KLB: variants seen among roughly 807,000 people sequenced by gnomAD.
KLB encodes the protein klotho beta, also known as beta-klotho.
KLB carries 44 observed loss-of-function variants against 88.4 expected under a neutral mutation model. The observed-to-expected ratio is 0.50, with a 90% CI of 0.39 to 0.64. The LOEUF is 0.64. Ranked by LOEUF, KLB falls within the 30% of genes least tolerant of loss-of-function variation. The pLI, the probability that KLB is intolerant of heterozygous loss-of-function variation, is 0.00. For missense variants in KLB, 1,137 were observed against 1,304.8 expected, an observed-to-expected ratio of 0.87 and a Z score of 1.98; for synonymous variants, 548 against 513.4, an observed-to-expected ratio of 1.07 and a Z score of -0.91.
At chr4:39,436,146 G>A (rs566656594) in intron 2 of KLB, among the ~76,000 whole-genome samples, 1 of 152,334 alleles carries the variant, frequency 6.6e-6, no homozygotes, top group South Asian at 2.1e-4. Context: ...TCTGTTCCCT[G>A]GAGTTGGGCT....
At chr4:39,439,457 T>TTGTTG (rs1743548255) in intron 3 of KLB, among the ~76,000 whole-genome samples, 2 of 17,474 alleles carry the variant, frequency 1.1e-4, no homozygotes, top group South Asian at 1.8e-3. Context: ...TGCTGTTGTT[T>TTGTTG]TTGTTTTTGT....
At chr4:39,424,285 G>A (rs755510063) in intron 1 of KLB, among the ~76,000 whole-genome samples, 22 of 151,860 alleles carry the variant, frequency 1.4e-4, no homozygotes, top group Admixed American at 5.2e-4. Flanking sequence ...TGGCCAGGCC[G>A]GTCTCGAACT....
At chr4:39,421,335 T>C (rs1366448973) in intron 1 of KLB, among the ~76,000 whole-genome samples, 1 of 152,178 alleles carries the variant, frequency 6.6e-6, no homozygotes, top group Non-Finnish European at 1.5e-5. Flanking sequence ...CATGTTTTTG[T>C]TGATGTATAT....
At chr4:39,431,625 A>G (rs1235737287) in intron 1 of KLB, among the ~76,000 whole-genome samples, 1 of 152,246 alleles carries the variant, frequency 6.6e-6, no homozygotes, top group African/African-American at 2.4e-5. Flanking sequence ...ATGAAAATTG[A>G]GTAAGGACAA....
chr4:39,434,365 T>A lies in KLB; in HGVS notation c.981T>A (p.Leu327=). The change falls in exon 2 of 5, where the codon CTT becomes CTA. Residue 327 remains leucine, a synonymous_variant. Transcript: ENST00000257408. The stretch of plus-strand genomic sequence containing the variant: ...GTCAACAATCCATGGTTTCTGTGCT[T>A]GGATGGTTTGCCAACCCTATCCATG... ...FKCQQSMVSV[L]GWFANPIHGD... 6.2e-7 allele frequency: 1 copy of A among 1,614,138 alleles called. No homozygotes were observed. The highest frequency in any genetic ancestry group is 2.2e-5 in the East Asian group (1 of 44,872).
chr4:39,436,166 T>G (rs151307015), intron 2 of KLB, among the ~76,000 whole-genome samples: 230 of 152,292 alleles, frequency 1.5e-3, no homozygotes, highest in African/African-American at 4.9e-3. Context: ...TCTATTTCAC[T>G]CTCATATTAA....
intron 1 of KLB, among the ~76,000 whole-genome samples, chr4:39,428,392 C>T (rs535562127): frequency 1.8e-4 from 27 of 149,554 alleles, no homozygotes; most frequent in African/African-American, 6.7e-4. Context: ...CACACCATTG[C>T]ACTCCAGCCT....
At chr4:39,434,747 T>A (rs572885086) in intron 2 of KLB, 27 bp downstream of exon 2, 28 of 1,522,542 alleles carry the variant, frequency 1.8e-5, no homozygotes, top group Middle Eastern at 3.5e-4. Flanking sequence ...CTTAATTTTT[T>A]AAAAATTCTA....
At chr4:39,435,482 G>A (rs772962314) in intron 2 of KLB, among the ~76,000 whole-genome samples, 7 of 147,960 alleles carry the variant, frequency 4.7e-5, no homozygotes, top group Non-Finnish European at 7.4e-5. Context: ...CTGGAATGCA[G>A]TGGTGCAATC....
chr4:39,446,535 G>A lies in KLB; in HGVS notation c.1809G>A (p.Trp603Ter), dbSNP rs1171443748. ...KVTHYRFALD[W>*]ASVLPTGNLS... Reference sequence around the variant, plus strand: ...CCCACTACCGGTTTGCTCTGGATTGGGCCTCGGTCCTTCCCACTGGCAACC... The same window carrying A: ...CCCACTACCGGTTTGCTCTGGATTGAGCCTCGGTCCTTCCCACTGGCAACC... The change falls in exon 4 of 5, where the codon TGG (tryptophan) becomes TGA (stop). Residue 603 changes from tryptophan to a stop codon, truncating the protein, a stop_gained. Coordinates refer to ENST00000257408, the MANE Select transcript of KLB (RefSeq NM_175737.4). LOFTEE classifies it high-confidence loss of function. The surrounding 1 kb of genome is among the most constrained non-coding windows in gnomAD (Gnocchi z 6.4). The A allele has an allele frequency of 1.2e-6, 2 of 1,614,082 alleles. No homozygotes were observed. Among genetic ancestry groups the A allele is most frequent in the Non-Finnish European group, 1.7e-6 (2 of 1,180,040 alleles).
chr4:39,430,406 T>C (rs1427016981), intron 1 of KLB, among the ~76,000 whole-genome samples: 2 of 5,880 alleles, frequency 3.4e-4, no homozygotes, highest in African/African-American at 1.3e-3. Flanking sequence ...TTGTTTCTAA[T>C]TAGAAAAAAA....
In KLB at chr4:39,407,245, G is replaced by A; in HGVS notation, c.296G>A (p.Ser99Asn). 1 of 1,614,158 alleles carries A rather than the reference G, an allele frequency of 6.2e-7. No homozygotes were observed. The highest frequency in any genetic ancestry group is 8.5e-7 in the Non-Finnish European group (1 of 1,180,010). Residue 99 changes from serine (S) to asparagine (N), a missense_variant, in exon 1 of 5, where the codon AGT (serine) becomes AAT (asparagine). Coordinates refer to ENST00000257408, the MANE Select transcript of KLB (RefSeq NM_175737.4). ...ACTGGAGCATTGCAAGTGGAAGGGA[G>A]TTGGAAGAAGGATGGAAAAGGACCT... The part of the protein sequence containing the change: ...IGTGALQVEG[S>N]WKKDGKGPSI...
intron 2 of KLB, among the ~76,000 whole-genome samples, chr4:39,436,671 A>G (rs1743478367): frequency 6.6e-6 from 1 of 151,964 alleles, no homozygotes; most frequent in South Asian, 2.1e-4. Flanking sequence ...TAATTTGGGT[A>G]TTTGTTGTTT....
Position 39,448,725 on chromosome 4 carries a change from C to A in KLB, c.*39C>A. ...CATGATAGACAGTTTAAAAATTCAT[C>A]CCAGTTCCATATGCTGGTAACTTAC... On this transcript the variant is annotated 3_prime_UTR_variant, in exon 5 of 5. Transcript: ENST00000257408. 2 of 1,562,502 alleles carry A rather than the reference C, an allele frequency of 1.3e-6. No homozygotes were observed. Among genetic ancestry groups the A allele is most frequent in the Non-Finnish European group, 8.6e-7 (1 of 1,158,006 alleles).
chr4:39,446,206 C>T lies in KLB; in HGVS notation c.1606-126C>T. On this transcript the variant is annotated intron_variant, in intron 3 of 4. Transcript: ENST00000257408. The surrounding 1 kb of genome is among the most constrained non-coding windows in gnomAD (Gnocchi z 6.4). ...GTTTTCTGGTCTCCTTGGGAGATTT[C>T]AAGGGCTGGAATAGGCCTGGCGTGG... 1.3e-6 allele frequency: 1 copy of T among 799,714 alleles called. No individual in the cohort carries two copies. The highest frequency in any genetic ancestry group is 1.8e-5 in the South Asian group (1 of 54,674). 49.5% of individuals were successfully genotyped at this position (799,714 alleles called of 1,614,324 possible).
intron 1 of KLB, among the ~76,000 whole-genome samples, chr4:39,424,958 T>A (rs1743173629): frequency 6.6e-6 from 1 of 152,170 alleles, no homozygotes; most frequent in African/African-American, 2.4e-5. Flanking sequence ...TGACTATCTG[T>A]ATTCCCAAAT....
In KLB at chr4:39,417,621, A is replaced by G. The variant is rs533947151; in HGVS notation, c.825+9847A>G. Reference sequence around the variant, plus strand: ...AAAATGCTTTTTTAAAAAAAAGAAGAAAGAATAAAGAACAGTCTTAATTCT... The same window carrying G: ...AAAATGCTTTTTTAAAAAAAAGAAGGAAGAATAAAGAACAGTCTTAATTCT... On this transcript the variant is annotated intron_variant, in intron 1 of 4. Transcript: ENST00000257408. Among the ~76,000 whole-genome samples, 5 of 152,320 alleles carry G rather than the reference A, an allele frequency of 3.3e-5. No homozygotes were observed. The East Asian group carries it at 7.7e-4, about 23-fold the overall frequency.
chr4:39,446,981 C>G lies in KLB; in HGVS notation c.2255C>G (p.Pro752Arg). The change falls in exon 4 of 5, where the codon CCC becomes CGC. Residue 752 changes from proline to arginine, a missense_variant. By Grantham distance (103) the Pro-to-Arg change is moderately radical. Transcript: ENST00000257408. The surrounding 1 kb of genome is among the most constrained non-coding windows in gnomAD (Gnocchi z 6.4). ...GCGGACTGGGCGGAACCCGCCAACC[C>G]CTATGCTGACTCGCACTGGAGGGCG... ...LHADWAEPAN[P>R]YADSHWRAAE... is the part of the protein sequence containing the mutation. 1 of 1,608,914 alleles carries G rather than the reference C, an allele frequency of 6.2e-7. No individual in the cohort carries two copies. Among genetic ancestry groups the G allele is most frequent in the South Asian group, 1.1e-5 (1 of 91,074 alleles).
chr4:39,426,114 T>C (rs987967183), intron 1 of KLB, among the ~76,000 whole-genome samples: 1 of 152,006 alleles, frequency 6.6e-6, no homozygotes, highest in African/African-American at 2.4e-5. Flanking sequence ...CAGCCAGGCG[T>C]GGTGTCGGGC....
Sources: allele counts gnomAD v4.1 joint callset (sites outside exome capture counted in the v4.1 genomes callset), GRCh38; gene constraint gnomAD v4.1.1; non-coding constraint Gnocchi (gnomAD v3.1); transcripts MANE v1.5; gene names NCBI Gene and HGNC (gene_info 2026-07-23, HGNC 2026-07-21).